The following UNC13C variants were observed in gnomAD, a reference collection of about 807,000 sequenced individuals.
The protein encoded by UNC13C is protein unc-13 homolog C.
UNC13C carries 174 observed loss-of-function variants against 245.4 expected under a neutral mutation model. The ratio of observed to expected loss-of-function variants is 0.71; its 90% CI spans 0.63 to 0.80. The LOEUF is 0.80. Among genes scored for constraint, UNC13C ranks in the 30% least tolerant of loss-of-function variants. The probability of loss-of-function intolerance (pLI) is 0.00; values close to 1 mark genes in which losing one functional copy is unlikely to be tolerated. For missense variants in UNC13C, 2,829 were observed against 2,602.9 expected (o/e 1.09, Z -1.89); for synonymous variants, 992 against 895.1 (o/e 1.11, Z -1.93).
chr15:54,549,591 A>G, intron 27 of UNC13C, 44 bp from the exon 28 acceptor site: 2 of 1,410,434 alleles, frequency 1.4e-6, no homozygotes, highest in African/African-American at 1.4e-5. Context: ...CTAATACTGA[A>G]TATCTTAAGA....
chr15:54,054,520 A>G (rs188117509), intron 2 of UNC13C, among the ~76,000 whole-genome samples: 66 of 152,258 alleles, frequency 4.3e-4, no homozygotes, highest in African/African-American at 1.6e-3. Context: ...ATGCTGATAT[A>G]CCATTGCAGA....
In UNC13C at chr15:54,305,294, C is replaced by A. The variant is rs527556314; in HGVS notation, c.4268+4921C>A. 8.5e-5 allele frequency among the ~76,000 whole-genome samples: 13 copies of A among 152,130 alleles called. No homozygotes were observed. The South Asian group carries it at 2.7e-3, about 32-fold the overall frequency. Reference sequence around the variant, plus strand: ...ATTGAGCTGATATAGGGGTCTATGTCACCATTTATGCTGTAATAAGGGTGA... The same window carrying A: ...ATTGAGCTGATATAGGGGTCTATGTAACCATTTATGCTGTAATAAGGGTGA... On this transcript the variant is annotated intron_variant, in intron 13 of 32. Coordinates refer to ENST00000260323, the MANE Select transcript of UNC13C (RefSeq NM_001080534.3).
chr15:54,166,788 C>A (rs1000341442), intron 4 of UNC13C, among the ~76,000 whole-genome samples: 1 of 152,068 alleles, frequency 6.6e-6, no homozygotes, highest in Non-Finnish European at 1.5e-5. Context: ...AAATGTGGTA[C>A]AAGTTCTGCA....
At chr15:54,126,233 G>A (rs2031029314) in intron 2 of UNC13C, among the ~76,000 whole-genome samples, 1 of 151,954 alleles carries the variant, frequency 6.6e-6, no homozygotes, top group Non-Finnish European at 1.5e-5. Flanking sequence ...TCTCCATAAG[G>A]AACTTAATCC....
intron 4 of UNC13C, among the ~76,000 whole-genome samples, chr15:54,178,979 G>A (rs1385628641): frequency 6.6e-6 from 1 of 152,080 alleles, no homozygotes; most frequent in Non-Finnish European, 1.5e-5. Flanking sequence ...ACCTACAAAG[G>A]CTGACTGAAT....
chr15:54,577,293 C>A (rs1056255287), intron 30 of UNC13C, among the ~76,000 whole-genome samples: 2 of 152,130 alleles, frequency 1.3e-5, no homozygotes, highest in Admixed American at 1.3e-4. Flanking sequence ...TGAAGTATGC[C>A]ACTGTGCACA....
intron 17 of UNC13C, among the ~76,000 whole-genome samples, chr15:54,378,875 C>T (rs1198363124): frequency 6.6e-6 from 1 of 151,866 alleles, no homozygotes; most frequent in Non-Finnish European, 1.5e-5. Context: ...ATTCAAGGAA[C>T]AATTTTGAGA....
In UNC13C at chr15:54,303,072, G is replaced by C. The variant is rs1249764450; in HGVS notation, c.4268+2699G>C. Among the ~76,000 whole-genome samples the C allele has an allele frequency of 3.3e-5, 5 of 152,000 alleles. No homozygotes were observed. In the South Asian group the frequency reaches 1.0e-3, roughly 31 times the overall value. On this transcript the variant is annotated intron_variant, in intron 13 of 32. Transcript: ENST00000260323. The stretch of plus-strand genomic sequence containing the variant: ...AAATAAGAAACCTTAGAGATCACTC[G>C]ATTGAACCTCCTTCTCAAATCTAGA...
At chr15:54,161,526 C>T (rs1441506368) in intron 4 of UNC13C, among the ~76,000 whole-genome samples, 1 of 151,988 alleles carries the variant, frequency 6.6e-6, no homozygotes, top group Non-Finnish European at 1.5e-5. Context: ...TAACAACTGC[C>T]AGAATTTCTC....
At chr15:54,341,064 TAAAAC>T (rs1256355103) in intron 17 of UNC13C, among the ~76,000 whole-genome samples, 1 of 152,192 alleles carries the variant, frequency 6.6e-6, no homozygotes, top group African/African-American at 2.4e-5. Flanking sequence ...TCAAAAAACT[TAAAAC>T]AGAACTACCA....
chr15:54,399,702 G>T (rs780664084), intron 18 of UNC13C, among the ~76,000 whole-genome samples: 221 of 151,884 alleles, frequency 1.5e-3, no homozygotes, highest in African/African-American at 5.1e-3. Flanking sequence ...GATAAAATCT[G>T]CCTATTTTTC....
intron 19 of UNC13C, among the ~76,000 whole-genome samples, chr15:54,459,649 T>G (rs907753096): frequency 6.6e-6 from 1 of 152,154 alleles, no homozygotes; most frequent in South Asian, 2.1e-4. Context: ...TGTCTTTGAG[T>G]TCTGAAGTTC....
At chr15:54,550,990 G>T (rs1204615160) in intron 28 of UNC13C, among the ~76,000 whole-genome samples, 2 of 152,312 alleles carry the variant, frequency 1.3e-5, no homozygotes, top group African/African-American at 4.8e-5. Context: ...AGTTTCCTGA[G>T]TTGAGTGTTC....
Position 54,484,374 on chromosome 15 carries a change from G to A in UNC13C, c.4934-10234G>A, listed in dbSNP as rs546099. On this transcript the variant is annotated intron_variant, in intron 19 of 32. Coordinates refer to ENST00000260323, the MANE Select transcript of UNC13C (RefSeq NM_001080534.3). Reference sequence around the variant, plus strand: ...CATAATTTTCTGTGTTCACTTATGCGTTTTCAGTGTAAAATTGAGACATGA... The same window carrying A: ...CATAATTTTCTGTGTTCACTTATGCATTTTCAGTGTAAAATTGAGACATGA... Among the ~76,000 whole-genome samples the A allele has an allele frequency of 6.3e-3, 966 of 152,180 alleles. 8 individuals carry two copies. Among genetic ancestry groups the A allele is most frequent in the African/African-American group, 0.022 (915 of 41,526 alleles).
intron 1 of UNC13C, among the ~76,000 whole-genome samples, 66 bp downstream of exon 1, chr15:53,978,993 G>A (rs79653987): frequency 0.021 from 3,232 of 152,172 alleles, 123 homozygotes; most frequent in African/African-American, 0.074. Flanking sequence ...GTATTTTCCT[G>A]TCCCTTCTTT....
intron 17 of UNC13C, among the ~76,000 whole-genome samples, chr15:54,368,450 A>G (rs1319652542): frequency 1.3e-5 from 2 of 151,982 alleles, no homozygotes; most frequent in African/African-American, 2.4e-5. Flanking sequence ...AAAGTGTGGT[A>G]GAAATGCCAA....
chr15:54,200,519 A>G (rs1297801187), intron 4 of UNC13C, among the ~76,000 whole-genome samples: 1 of 151,776 alleles, frequency 6.6e-6, no homozygotes, highest in Non-Finnish European at 1.5e-5. Flanking sequence ...AAAGAAAGGA[A>G]CCCTCAAAAC....
intron 8 of UNC13C, among the ~76,000 whole-genome samples, chr15:54,262,002 T>C (rs2036440167): frequency 1.3e-5 from 2 of 152,208 alleles, no homozygotes; most frequent in African/African-American, 4.8e-5. Flanking sequence ...ATAACAGCAA[T>C]AATACATAAG....
At chr15:53,955,821 A>G in the UNC13C span, 1 of 152,168 alleles carries the variant, frequency 6.6e-6, no homozygotes, top group South Asian at 2.1e-4. Flanking sequence ...GATTTCACCC[A>G]TTTAAGAATA....
Sources: gnomAD v4.1 joint callset for allele counts (sites outside exome capture counted in the v4.1 genomes callset) on GRCh38, gnomAD v4.1.1 for gene constraint, MANE v1.5 for transcripts, NCBI Gene and HGNC (gene_info 2026-07-23, HGNC 2026-07-21) for gene names.